The following DPYD variants were observed in gnomAD, a reference collection of about 807,000 sequenced individuals.
DPYD encodes the protein dihydropyrimidine dehydrogenase.
DPYD carries 109 observed loss-of-function variants against 116.2 expected under a neutral mutation model. That is an observed-to-expected ratio of 0.94 (90% CI 0.80 to 1.10). DPYD has a LOEUF of 1.10. DPYD is among the 50% of genes least tolerant of loss of function. The pLI, the probability that DPYD is intolerant of heterozygous loss-of-function variation, is 0.00. For missense variants in DPYD, 1,302 were observed against 1,254.5 expected, an observed-to-expected ratio of 1.04 and a Z score of -0.57; for synonymous variants, 440 against 432.0, an observed-to-expected ratio of 1.02 and a Z score of -0.23.
In DPYD at chr1:97,464,776, C is replaced by T. The variant is rs185806733; in HGVS notation, c.1741-14553G>A. Among the ~76,000 whole-genome samples the T allele has an allele frequency of 7.9e-5, 12 of 152,224 alleles. No individual in the cohort carries two copies. The East Asian group carries it at 1.5e-3, about 20-fold the overall frequency. Reference sequence around the variant, plus strand: ...GGGCAGCAAAAGTTTGCTGCAGGGACGGGACCCTCATGGAGAACCTCTACT... The same window carrying T: ...GGGCAGCAAAAGTTTGCTGCAGGGATGGGACCCTCATGGAGAACCTCTACT... On this transcript the variant is annotated intron_variant, in intron 13 of 22. Coordinates refer to ENST00000370192, the MANE Select transcript of DPYD (RefSeq NM_000110.4).
At chr1:97,676,448 C>T (rs1557876755) in intron 8 of DPYD, among the ~76,000 whole-genome samples, 2 of 152,096 alleles carry the variant, frequency 1.3e-5, no homozygotes, top group African/African-American at 4.8e-5. Flanking sequence ...TACCCACAGA[C>T]CAAAGACGGA....
chr1:97,342,187 G>A (rs2101238509), intron 16 of DPYD, among the ~76,000 whole-genome samples: 1 of 152,266 alleles, frequency 6.6e-6, no homozygotes, highest in East Asian at 1.9e-4. Context: ...ATATAAAATT[G>A]TAAGCTGAGA....
intron 8 of DPYD, among the ~76,000 whole-genome samples, chr1:97,623,075 T>C (rs951175556): frequency 3.3e-5 from 5 of 152,072 alleles, no homozygotes; most frequent in Non-Finnish European, 7.4e-5. Flanking sequence ...CTGGTCATTC[T>C]AGTTTCCATC....
At chr1:97,877,952 G>A (rs2101630698) in intron 2 of DPYD, among the ~76,000 whole-genome samples, 1 of 152,056 alleles carries the variant, frequency 6.6e-6, no homozygotes, top group East Asian at 1.9e-4. Context: ...GGTGCCAGCA[G>A]ACAAGACAAA....
intron 20 of DPYD, among the ~76,000 whole-genome samples, chr1:97,113,828 A>G (rs1363687302): frequency 6.6e-6 from 1 of 152,152 alleles, no homozygotes; most frequent in Non-Finnish European, 1.5e-5. Flanking sequence ...ACTTTTTCAC[A>G]TTCAGCATCT....
In DPYD at chr1:97,291,339, A is replaced by T. The variant is rs1013463436; in HGVS notation, c.2299+13920T>A. 3.3e-5 allele frequency among the ~76,000 whole-genome samples: 5 copies of T among 152,190 alleles called. No homozygotes were observed. The South Asian group carries it at 6.3e-4, about 19-fold the overall frequency. On this transcript the variant is annotated intron_variant, in intron 18 of 22. Coordinates refer to ENST00000370192, the MANE Select transcript of DPYD (RefSeq NM_000110.4). Reference sequence around the variant, plus strand: ...TGACCCAGCCATCCCATTACTGGGTATATACCCAAAGGACTATAAATCATG... The same window carrying T: ...TGACCCAGCCATCCCATTACTGGGTTTATACCCAAAGGACTATAAATCATG...
intron 8 of DPYD, among the ~76,000 whole-genome samples, chr1:97,603,172 T>C (rs1292452912): frequency 6.6e-6 from 1 of 151,972 alleles, no homozygotes; most frequent in South Asian, 2.1e-4. Context: ...CAGGCAAAGA[T>C]TTTTTTTCTT....
chr1:97,259,504 C>T (rs1457860990), intron 18 of DPYD, among the ~76,000 whole-genome samples: 1 of 152,008 alleles, frequency 6.6e-6, no homozygotes, highest in African/African-American at 2.4e-5. Flanking sequence ...TCCTAAGTAG[C>T]TGGTACCACA....
chr1:97,375,029 CAAA>C (rs35693384), intron 15 of DPYD, among the ~76,000 whole-genome samples: 2 of 116,054 alleles, frequency 1.7e-5, no homozygotes, highest in Admixed American at 9.8e-5. Flanking sequence ...ACTCCAGTTC[CAAA>C]AAAAAAAAAA....
Position 97,282,939 on chromosome 1 carries a change from G to A in DPYD, c.2299+22320C>T, listed in dbSNP as rs141305746. On this transcript the variant is annotated intron_variant, in intron 18 of 22. Transcript: ENST00000370192. ...TAGTATTCCATGGTGTTTATATACC[G>A]CATTTTCTTTATTCAGTCCACTGCT... is the stretch of plus-strand genomic sequence containing the variant. Among the ~76,000 whole-genome samples, 45 of 152,044 alleles carry A rather than the reference G, an allele frequency of 3.0e-4. No individual in the cohort carries two copies. In the East Asian group the frequency reaches 5.0e-3, roughly 17 times the overall value.
At chr1:97,594,432 A>T (rs1654739844) in intron 9 of DPYD, among the ~76,000 whole-genome samples, 2 of 152,170 alleles carry the variant, frequency 1.3e-5, no homozygotes, top group Admixed American at 1.3e-4. Flanking sequence ...GAGAAGCATA[A>T]AAGTTTGTAT....
intron 2 of DPYD, among the ~76,000 whole-genome samples, chr1:97,831,589 T>TA (rs1432427908): frequency 6.6e-6 from 1 of 152,024 alleles, no homozygotes; most frequent in Non-Finnish European, 1.5e-5. Context: ...GGAAAGTTCA[T>TA]AAAAATTCAA....
At chr1:97,494,091 G>A (rs988226450) in intron 13 of DPYD, among the ~76,000 whole-genome samples, 20 of 152,264 alleles carry the variant, frequency 1.3e-4, no homozygotes, top group South Asian at 8.3e-4. Flanking sequence ...TATGGCTTTC[G>A]AAATGCTTGA....
chr1:97,537,053 A>C (rs1650055122), intron 12 of DPYD, among the ~76,000 whole-genome samples: 1 of 152,228 alleles, frequency 6.6e-6, no homozygotes, highest in Non-Finnish European at 1.5e-5. Flanking sequence ...GTGATATTTT[A>C]AGCAATGATA....
chr1:97,486,044 ATTAG>A (rs1678614402), intron 13 of DPYD, among the ~76,000 whole-genome samples: 1 of 152,208 alleles, frequency 6.6e-6, no homozygotes, highest in South Asian at 2.1e-4. Context: ...AATACAATGT[ATTAG>A]TTAAAGGATT....
chr1:97,288,220 C>T (rs1346204161), intron 18 of DPYD, among the ~76,000 whole-genome samples: 39 of 149,482 alleles, frequency 2.6e-4, no homozygotes, highest in Non-Finnish European at 4.9e-4. Flanking sequence ...GACTTAGACT[C>T]CCACACAATA....
chr1:97,228,637 G>GT lies in DPYD; in HGVS notation c.2442+6214dup, dbSNP rs1402219916. On this transcript the variant is annotated intron_variant, in intron 19 of 22. Transcript: ENST00000370192. ...AGGACTTCTATTTCTATACTCTAGT[G>GT]TATCAGCACCATAACCTAGATATTT... 3.3e-5 allele frequency among the ~76,000 whole-genome samples: 5 copies of GT among 152,234 alleles called. No homozygotes were observed. The East Asian group carries it at 9.6e-4, about 29-fold the overall frequency.
At chr1:97,759,058 T>C (rs76466796) in intron 3 of DPYD, among the ~76,000 whole-genome samples, 2,701 of 152,266 alleles carry the variant, frequency 0.018, 82 homozygotes, top group African/African-American at 0.062. Context: ...TATTCACTTA[T>C]ACATGGTTTG....
At chr1:97,213,840 A>T (rs897591170) in intron 19 of DPYD, among the ~76,000 whole-genome samples, 10 of 152,142 alleles carry the variant, frequency 6.6e-5, no homozygotes, top group African/African-American at 2.2e-4. Flanking sequence ...TTAATGGATC[A>T]CTGCTGCTTT....
Sources: allele counts gnomAD v4.1 joint callset (sites outside exome capture counted in the v4.1 genomes callset), GRCh38; gene constraint gnomAD v4.1.1; transcripts MANE v1.5; gene names NCBI Gene and HGNC (gene_info 2026-07-23, HGNC 2026-07-21).